FBXL20: variants seen among roughly 807,000 people sequenced by gnomAD.
The protein encoded by FBXL20 is F-box and leucine rich repeat protein 20.
In FBXL20, 11 loss-of-function variants were observed where a neutral mutation model predicts 64.0. The ratio of observed to expected loss-of-function variants is 0.17; its 90% CI spans 0.11 to 0.28. The LOEUF is 0.28. Among genes scored for constraint, FBXL20 ranks in the 10% least tolerant of loss-of-function variants. The pLI is 1.00. For missense variants in FBXL20, 303 were observed against 526.2 expected (o/e 0.58, Z 4.15); for synonymous variants, 184 against 189.0 (o/e 0.97, Z 0.22).
intron 14 of FBXL20, chr17:39,263,874 C>CTTT (rs751141112): frequency 5.6e-5 from 9 of 159,870 alleles, no homozygotes; most frequent in Admixed American, 1.9e-4. Context: ...GTGGCATGTG[C>CTTT]TTTTTTTTTT....
At chr17:39,333,045 C>T (rs1362587341) in intron 2 of FBXL20, among the ~76,000 whole-genome samples, 16 of 151,900 alleles carry the variant, frequency 1.1e-4, no homozygotes, top group Admixed American at 3.3e-4. Flanking sequence ...TGAAGCAATC[C>T]GCCTGCCTCA....
At chr17:39,351,799 T>C (rs2047689554) in intron 1 of FBXL20, among the ~76,000 whole-genome samples, 1 of 152,190 alleles carries the variant, frequency 6.6e-6, no homozygotes, top group South Asian at 2.1e-4. Flanking sequence ...CAATATCACC[T>C]AAACATGCAA....
chr17:39,321,502 G>A (rs1353304913), intron 2 of FBXL20, among the ~76,000 whole-genome samples: 1 of 148,988 alleles, frequency 6.7e-6, no homozygotes, highest in Admixed American at 6.8e-5. Context: ...CTAGGGCCAG[G>A]CACGGTGACT....
chr17:39,357,887 C>T (rs541301978), intron 1 of FBXL20, among the ~76,000 whole-genome samples: 4 of 152,348 alleles, frequency 2.6e-5, no homozygotes, highest in South Asian at 2.1e-4. Context: ...CAAATTCTCT[C>T]AGTATTTGCT....
At chr17:39,304,862 T>G (rs980860401) in intron 2 of FBXL20, among the ~76,000 whole-genome samples, 1 of 152,156 alleles carries the variant, frequency 6.6e-6, no homozygotes, top group African/African-American at 2.4e-5. Context: ...GTTCAAGTGG[T>G]TGTCGTGCCT....
At chr17:39,318,738 C>A (rs1003086101) in intron 2 of FBXL20, among the ~76,000 whole-genome samples, 1 of 151,992 alleles carries the variant, frequency 6.6e-6, no homozygotes, top group Non-Finnish European at 1.5e-5. Flanking sequence ...CAAACTCCAT[C>A]TTAAACAAAC....
intron 2 of FBXL20, among the ~76,000 whole-genome samples, chr17:39,329,835 GA>G (rs902243793): frequency 5.3e-5 from 8 of 151,518 alleles, no homozygotes; most frequent in African/African-American, 9.7e-5. Context: ...TTGTTTCTAC[GA>G]AAAAAAATTA....
intron 1 of FBXL20, among the ~76,000 whole-genome samples, chr17:39,398,174 C>A (rs1006653684): frequency 2.0e-5 from 3 of 151,486 alleles, no homozygotes; most frequent in Non-Finnish European, 2.9e-5. Context: ...CCCAGCTACT[C>A]GGGAGGCTGA....
chr17:39,268,600 C>T (rs1169434876), intron 12 of FBXL20, among the ~76,000 whole-genome samples: 1 of 152,028 alleles, frequency 6.6e-6, no homozygotes, highest in Non-Finnish European at 1.5e-5. Flanking sequence ...AATGCTTGGG[C>T]CTCCTTTCTC....
intron 2 of FBXL20, among the ~76,000 whole-genome samples, chr17:39,313,294 C>T (rs1446967370): frequency 2.0e-5 from 3 of 151,462 alleles, no homozygotes; most frequent in East Asian, 1.9e-4. Flanking sequence ...GGTGCAATGG[C>T]GCAATCTCGG....
At chr17:39,308,338 GAAA>G (rs2047201513) in intron 2 of FBXL20, among the ~76,000 whole-genome samples, 1 of 151,786 alleles carries the variant, frequency 6.6e-6, no homozygotes, top group Non-Finnish European at 1.5e-5. Flanking sequence ...CTGTAAAAAT[GAAA>G]AAATTTAGCT....
At chr17:39,274,588 C>T (rs187862714) in intron 10 of FBXL20, among the ~76,000 whole-genome samples, 1 of 152,216 alleles carries the variant, frequency 6.6e-6, no homozygotes. Flanking sequence ...AATATAGTAC[C>T]CCCTGCTATG....
At chr17:39,351,416 G>A (rs1411821716) in intron 1 of FBXL20, among the ~76,000 whole-genome samples, 1 of 151,016 alleles carries the variant, frequency 6.6e-6, no homozygotes, top group African/African-American at 2.4e-5. Flanking sequence ...AATGGTTCCT[G>A]CTCCTGTTCA....
At chr17:39,353,380 T>C (rs546038707) in intron 1 of FBXL20, among the ~76,000 whole-genome samples, 1 of 152,220 alleles carries the variant, frequency 6.6e-6, no homozygotes, top group South Asian at 2.1e-4. Context: ...AAAAGAGACA[T>C]TCACACAACT....
intron 9 of FBXL20, 150 bp downstream of exon 9, chr17:39,281,239 C>CAGAT (rs2144387160): frequency 1.5e-6 from 1 of 671,114 alleles, no homozygotes; most frequent in East Asian, 2.8e-5. Context: ...TTGTTAAGCA[C>CAGAT]GTCAAAAGTC....
chr17:39,262,456 T>C (rs1359888618), intron 14 of FBXL20, among the ~76,000 whole-genome samples: 2 of 152,002 alleles, frequency 1.3e-5, no homozygotes, highest in African/African-American at 4.8e-5. Context: ...AATTTTTGTA[T>C]TTTTAGTTGA....
intron 9 of FBXL20, among the ~76,000 whole-genome samples, chr17:39,280,612 T>C (rs1182670230): frequency 6.6e-6 from 1 of 151,976 alleles, no homozygotes; most frequent in African/African-American, 2.4e-5. Flanking sequence ...AGATGTACTG[T>C]TAACATTCTA....
intron 12 of FBXL20, among the ~76,000 whole-genome samples, chr17:39,266,610 G>A (rs1486705136): frequency 2.0e-5 from 3 of 152,178 alleles, no homozygotes; most frequent in Non-Finnish European, 4.4e-5. Context: ...GGCTTCTAAA[G>A]TGCTGGGATT....
chr17:39,300,098 AAAAC>A lies in FBXL20; in HGVS notation c.234+899_234+902del, dbSNP rs535537160. Among the ~76,000 whole-genome samples, 963 of 152,372 alleles carry A rather than the reference AAAAC, an allele frequency of 6.3e-3. 16 individuals carry two copies. The highest frequency in any genetic ancestry group is 0.022 in the African/African-American group (921 of 41,582). On this transcript the variant is annotated intron_variant, in intron 4 of 14. Transcript: ENST00000264658. ...GGTGACAAAATGAGACTCTGTCTCG[AAAAC>A]AAACAAAAACAAAAGCTTGCTGAAT...
Sources: gnomAD v4.1 joint callset for allele counts (sites outside exome capture counted in the v4.1 genomes callset) on GRCh38, gnomAD v4.1.1 for gene constraint, MANE v1.5 for transcripts, NCBI Gene and HGNC (gene_info 2026-07-23, HGNC 2026-07-21) for gene names.